Variants in BAZ2B observed in about 807,000 individuals in gnomAD.
BAZ2B encodes the protein bromodomain adjacent to zinc finger domain protein 2B.
Under a neutral mutation model 246.0 loss-of-function variants are expected in BAZ2B, and 91 were observed. The observed-to-expected ratio is 0.37, with a 90% CI of 0.31 to 0.44. The LOEUF (loss-of-function observed/expected upper bound fraction) is 0.44, where lower values mean the gene tolerates loss of function less well. Among genes scored for constraint, BAZ2B ranks in the 20% least tolerant of loss-of-function variants. The pLI is 1.00. For missense variants in BAZ2B, 2,332 were observed against 2,533.7 expected (o/e 0.92, Z 1.71); for synonymous variants, 855 against 860.0 (o/e 0.99, Z 0.10).
At chr2:159,613,151 T>C (rs1695055078) in intron 1 of BAZ2B, among the ~76,000 whole-genome samples, 1 of 152,160 alleles carries the variant, frequency 6.6e-6, no homozygotes, top group Non-Finnish European at 1.5e-5. Context: ...ATGTTATGTA[T>C]AAAACTCAAA....
chr2:159,695,747 TTTTA>T, the BAZ2B span, among the ~76,000 whole-genome samples: 1 of 151,470 alleles, frequency 6.6e-6, no homozygotes, highest in Non-Finnish European at 1.5e-5. Context: ...ATATATCTTT[TTTTA>T]TTTTTTATTT....
chr2:159,542,864 T>C (rs906577912), intron 2 of BAZ2B, among the ~76,000 whole-genome samples: 3 of 152,126 alleles, frequency 2.0e-5, no homozygotes, highest in African/African-American at 7.2e-5. Flanking sequence ...ATAAGATTAA[T>C]ATTAAAAGCA....
At chr2:159,575,714 G>A (rs1357661833) in intron 1 of BAZ2B, among the ~76,000 whole-genome samples, 2 of 152,026 alleles carry the variant, frequency 1.3e-5, no homozygotes, top group Non-Finnish European at 2.9e-5. Flanking sequence ...TGGAATAATA[G>A]GTCAAAATCC....
At chr2:159,566,553 T>C (rs1182352447) in intron 1 of BAZ2B, among the ~76,000 whole-genome samples, 2 of 152,220 alleles carry the variant, frequency 1.3e-5, no homozygotes, top group African/African-American at 4.8e-5. Context: ...CTGAATTCTA[T>C]AATTCACCAC....
At chr2:159,470,855 G>A (rs1417049006) in intron 3 of BAZ2B, among the ~76,000 whole-genome samples, 1 of 152,152 alleles carries the variant, frequency 6.6e-6, no homozygotes, top group African/African-American at 2.4e-5. Flanking sequence ...TGTTAAGTTT[G>A]AGATGTCTAT....
At chr2:159,652,211 CTTTT>C in the BAZ2B span, among the ~76,000 whole-genome samples, 2 of 139,020 alleles carry the variant, frequency 1.4e-5, no homozygotes, top group Non-Finnish European at 1.6e-5. Flanking sequence ...TTGTTACTCT[CTTTT>C]TTTTTTTTTT....
chr2:159,642,623 A>G, the BAZ2B span, among the ~76,000 whole-genome samples: 1 of 152,328 alleles, frequency 6.6e-6, no homozygotes. Context: ...AAACTTTCCT[A>G]ATGTAGGAAT....
At chr2:159,443,552 T>C (rs1175091833) in intron 6 of BAZ2B, among the ~76,000 whole-genome samples, 1 of 152,216 alleles carries the variant, frequency 6.6e-6, no homozygotes, top group African/African-American at 2.4e-5. Context: ...TTTTCTTCTT[T>C]AGTTCCAATG....
At chr2:159,378,391 T>G (rs1464491628) in intron 25 of BAZ2B, among the ~76,000 whole-genome samples, 1 of 152,200 alleles carries the variant, frequency 6.6e-6, no homozygotes, top group Non-Finnish European at 1.5e-5. Context: ...AAAGTTAAAT[T>G]CATTACAATG....
intron 2 of BAZ2B, among the ~76,000 whole-genome samples, chr2:159,529,261 C>T (rs1454546327): frequency 1.3e-5 from 2 of 151,820 alleles, no homozygotes; most frequent in South Asian, 2.1e-4. Flanking sequence ...ACTTTGGGTA[C>T]CACTGGTTTG....
chr2:159,637,406 C>T, the BAZ2B span, among the ~76,000 whole-genome samples: 1 of 152,176 alleles, frequency 6.6e-6, no homozygotes, highest in Admixed American at 6.5e-5. Context: ...TCAGCTGTGG[C>T]CTGGCAGAAC....
At chr2:159,605,025 T>C (rs1693127109) in intron 1 of BAZ2B, among the ~76,000 whole-genome samples, 1 of 151,270 alleles carries the variant, frequency 6.6e-6, no homozygotes, top group South Asian at 2.1e-4. Flanking sequence ...AGTGTGTGCA[T>C]GCACAGGAGA....
At chr2:159,702,666 A>G in the BAZ2B span, among the ~76,000 whole-genome samples, 3 of 152,226 alleles carry the variant, frequency 2.0e-5, no homozygotes, top group Non-Finnish European at 4.4e-5. Context: ...AAGGGCTTAC[A>G]AGGAAATCAA....
At chr2:159,341,421 A>G (rs1245750304) in intron 31 of BAZ2B, among the ~76,000 whole-genome samples, 2 of 152,212 alleles carry the variant, frequency 1.3e-5, no homozygotes, top group African/African-American at 4.8e-5. Context: ...GTAGATCCTA[A>G]TATGATAATG....
In BAZ2B at chr2:159,412,494, C is replaced by A. The variant is rs2066978637; in HGVS notation, c.2518G>T (p.Ala840Ser). 2.5e-6 allele frequency: 4 copies of A among 1,613,966 alleles called. No homozygotes were observed. Among genetic ancestry groups the A allele is most frequent in the Non-Finnish European group, 3.4e-6 (4 of 1,179,984 alleles). ...KEEDVIPRIR[A>S]MEGRRGRPPN... ...GGTCTTCCTCTACGACCTTCCATTG[C>A]CCTGATACGAGGAATGACATCCTCT... The change falls in exon 14 of 37, where the codon GCA (alanine) becomes TCA (serine). Residue 840 changes from alanine to serine, a missense_variant. Coordinates refer to ENST00000392783, the MANE Select transcript of BAZ2B (RefSeq NM_013450.4).
the BAZ2B span, among the ~76,000 whole-genome samples, chr2:159,635,472 G>C: frequency 6.6e-6 from 1 of 152,054 alleles, no homozygotes; most frequent in Admixed American, 6.5e-5. Context: ...CTTTTTCGGA[G>C]CACATGTGGT....
At chr2:159,698,656 A>G in the BAZ2B span, among the ~76,000 whole-genome samples, 1 of 152,064 alleles carries the variant, frequency 6.6e-6, no homozygotes, top group African/African-American at 2.4e-5. Flanking sequence ...CTGCTACTTC[A>G]TATATTAAGA....
At chr2:159,534,322 T>C (rs2085694616) in intron 2 of BAZ2B, among the ~76,000 whole-genome samples, 1 of 152,228 alleles carries the variant, frequency 6.6e-6, no homozygotes, top group African/African-American at 2.4e-5. Context: ...TAAAGACTAC[T>C]ACATACCTAG....
At chr2:159,701,823 G>A in the BAZ2B span, among the ~76,000 whole-genome samples, 1,946 of 151,796 alleles carry the variant, frequency 0.013, 52 homozygotes, top group African/African-American at 0.044. Context: ...CCACCTCCCA[G>A]GTTCCAGTGA....
Sources: gnomAD v4.1 joint callset for allele counts (sites outside exome capture counted in the v4.1 genomes callset) on GRCh38, gnomAD v4.1.1 for gene constraint, MANE v1.5 for transcripts, NCBI Gene and HGNC (gene_info 2026-07-23, HGNC 2026-07-21) for gene names.